Variants in UBE2E2 observed in about 807,000 individuals in gnomAD.
The protein encoded by UBE2E2 is ubiquitin-conjugating enzyme E2 E2.
UBE2E2 carries 6 observed loss-of-function variants against 24.7 expected under a neutral mutation model. The ratio of observed to expected loss-of-function variants is 0.24; its 90% CI spans 0.13 to 0.48. UBE2E2 has a LOEUF of 0.48. Ranked by LOEUF, UBE2E2 falls within the 20% of genes least tolerant of loss-of-function variation. The probability of loss-of-function intolerance (pLI) is 0.99; values close to 1 mark genes in which losing one functional copy is unlikely to be tolerated. For missense variants in UBE2E2, 169 were observed against 245.0 expected (o/e 0.69, Z 2.07); for synonymous variants, 104 against 83.6 (o/e 1.24, Z -1.33).
rs558436109 is a variant in UBE2E2 at position 23,366,462 on chromosome 3, A to G, written c.228-133146A>G. On this transcript the variant is annotated intron_variant, in intron 3 of 5. Coordinates refer to ENST00000396703, the MANE Select transcript of UBE2E2 (RefSeq NM_152653.4). ...CAGTATGGATATACCATGGAATACT[A>G]TGCAGCCATTAAAAAAGAATGAGAT... Among the ~76,000 whole-genome samples, 4 of 152,336 alleles carry G rather than the reference A, an allele frequency of 2.6e-5. No homozygotes were observed. In the South Asian group the frequency reaches 8.3e-4, roughly 32 times the overall value.
chr3:23,533,925 CA>C (rs1439567888), intron 5 of UBE2E2, among the ~76,000 whole-genome samples: 2 of 151,814 alleles, frequency 1.3e-5, no homozygotes, highest in East Asian at 3.9e-4. Context: ...CCAGCCTGCC[CA>C]AAAAATAAAA....
chr3:23,266,342 G>T (rs1331622749), intron 3 of UBE2E2, among the ~76,000 whole-genome samples: 1 of 152,098 alleles, frequency 6.6e-6, no homozygotes, highest in Non-Finnish European at 1.5e-5. Flanking sequence ...GGCAGGCCTG[G>T]TGGTGACAAA....
chr3:23,204,119 C>T (rs929990993), intron 1 of UBE2E2, among the ~76,000 whole-genome samples: 17 of 152,036 alleles, frequency 1.1e-4, no homozygotes, highest in South Asian at 8.3e-4. Flanking sequence ...ACTGGATTCC[C>T]TCTGTCCTCT....
intron 3 of UBE2E2, among the ~76,000 whole-genome samples, chr3:23,491,716 C>A (rs762421331): frequency 6.6e-6 from 1 of 152,112 alleles, no homozygotes; most frequent in Non-Finnish European, 1.5e-5. Flanking sequence ...TGGGCTTGAT[C>A]GTGAAGAACC....
intron 3 of UBE2E2, among the ~76,000 whole-genome samples, chr3:23,321,313 G>C (rs948440404): frequency 2.6e-5 from 4 of 152,206 alleles, no homozygotes; most frequent in African/African-American, 9.6e-5. Flanking sequence ...TTCTTTACCA[G>C]CTGTGCCACT....
chr3:23,203,579 C>T (rs1696030749), intron 1 of UBE2E2, 115 bp downstream of exon 1: 2 of 617,908 alleles, frequency 3.2e-6, no homozygotes, highest in South Asian at 7.3e-5. Flanking sequence ...TTACACCGCT[C>T]GTGCCCTAGT....
chr3:23,329,444 AG>A (rs2125299008), intron 3 of UBE2E2, among the ~76,000 whole-genome samples: 1 of 152,390 alleles, frequency 6.6e-6, no homozygotes, highest in Non-Finnish European at 1.5e-5. Context: ...ACAGAATAGT[AG>A]GCAGACAGTT....
intron 3 of UBE2E2, among the ~76,000 whole-genome samples, chr3:23,286,234 C>T (rs1192813401): frequency 6.6e-6 from 1 of 152,144 alleles, no homozygotes; most frequent in Non-Finnish European, 1.5e-5. Flanking sequence ...GGGTATTACT[C>T]AGGAAATCTT....
intron 3 of UBE2E2, among the ~76,000 whole-genome samples, chr3:23,450,388 T>G (rs1346299046): frequency 6.6e-6 from 1 of 152,206 alleles, no homozygotes; most frequent in East Asian, 1.9e-4. Flanking sequence ...TAATTAATTT[T>G]AATTAATTTT....
intron 5 of UBE2E2, among the ~76,000 whole-genome samples, chr3:23,586,667 A>C (rs1190702602): frequency 6.6e-6 from 1 of 152,108 alleles, no homozygotes; most frequent in African/African-American, 2.4e-5. Context: ...ACTTTAAACA[A>C]ATTTAAGATT....
chr3:23,385,325 CT>C (rs1464732399), intron 3 of UBE2E2, among the ~76,000 whole-genome samples: 1 of 152,130 alleles, frequency 6.6e-6, no homozygotes. Flanking sequence ...TGTTTCTTGT[CT>C]TCCTTGAACT....
chr3:23,220,520 G>A (rs1408446242), intron 3 of UBE2E2, among the ~76,000 whole-genome samples: 4 of 152,172 alleles, frequency 2.6e-5, no homozygotes, highest in African/African-American at 9.6e-5. Context: ...TTTGGTATAT[G>A]CTTAGAGTAT....
At chr3:23,253,117 G>C (rs992972595) in intron 3 of UBE2E2, among the ~76,000 whole-genome samples, 1 of 152,122 alleles carries the variant, frequency 6.6e-6, no homozygotes, top group Non-Finnish European at 1.5e-5. Flanking sequence ...ATAAAACTAG[G>C]AGAAAACAGA....
At chr3:23,359,907 A>G (rs1193843867) in intron 3 of UBE2E2, among the ~76,000 whole-genome samples, 1 of 152,296 alleles carries the variant, frequency 6.6e-6, no homozygotes. Flanking sequence ...GTAGGATCAC[A>G]TCCCTGAATT....
intron 3 of UBE2E2, among the ~76,000 whole-genome samples, chr3:23,395,743 A>C (rs1697058086): frequency 6.6e-6 from 1 of 152,180 alleles, no homozygotes; most frequent in Non-Finnish European, 1.5e-5. Context: ...GAACTGCAAA[A>C]CTAGGAAGGA....
At chr3:23,291,595 T>C (rs1295660981) in intron 3 of UBE2E2, among the ~76,000 whole-genome samples, 1 of 152,042 alleles carries the variant, frequency 6.6e-6, no homozygotes, top group Non-Finnish European at 1.5e-5. Context: ...AGGGCAGTGG[T>C]TCCCAAATTC....
intron 3 of UBE2E2, among the ~76,000 whole-genome samples, chr3:23,313,635 G>T (rs975784758): frequency 6.6e-6 from 1 of 151,784 alleles, no homozygotes; most frequent in East Asian, 1.9e-4. Flanking sequence ...CACCCACCTC[G>T]GCCTCCCAAA....
chr3:23,481,394 G>A (rs1419526375), intron 3 of UBE2E2, among the ~76,000 whole-genome samples: 1 of 152,162 alleles, frequency 6.6e-6, no homozygotes, highest in South Asian at 2.1e-4. Flanking sequence ...TCAGGCTATC[G>A]TTTCTCATTT....
intron 5 of UBE2E2, among the ~76,000 whole-genome samples, chr3:23,540,853 C>A (rs1321028927): frequency 6.6e-6 from 1 of 152,190 alleles, no homozygotes; most frequent in Non-Finnish European, 1.5e-5. Flanking sequence ...GCCTCAACCT[C>A]CCAAGAGCTG....
Sources: allele counts gnomAD v4.1 joint callset (sites outside exome capture counted in the v4.1 genomes callset), GRCh38; gene constraint gnomAD v4.1.1; transcripts MANE v1.5; gene names NCBI Gene and HGNC (gene_info 2026-07-23, HGNC 2026-07-21).